The following HDLBP variants were observed in gnomAD, a reference collection of about 807,000 sequenced individuals.
The protein encoded by HDLBP is high density lipoprotein binding protein.
Under a neutral mutation model 137.3 loss-of-function variants are expected in HDLBP, and 30 were observed. The ratio of observed to expected loss-of-function variants is 0.22; its 90% CI spans 0.16 to 0.30. The LOEUF (loss-of-function observed/expected upper bound fraction) is 0.30. Ranked by LOEUF, HDLBP falls within the 10% of genes least tolerant of loss-of-function variation. HDLBP has a pLI of 1.00. For synonymous variants in HDLBP, 606 were observed against 596.0 expected, an observed-to-expected ratio of 1.02 and a Z score of -0.24; for missense variants, 1,119 against 1,667.3, an observed-to-expected ratio of 0.67 and a Z score of 5.73.
chr2:241,275,846 A>C (rs1179760080), intron 1 of HDLBP, among the ~76,000 whole-genome samples: 1 of 152,230 alleles, frequency 6.6e-6, no homozygotes, highest in East Asian at 1.9e-4. Flanking sequence ...AAGAATGAGA[A>C]TAGACATATT....
At chr2:241,270,046 C>T (rs115038622) in intron 1 of HDLBP, among the ~76,000 whole-genome samples, 2 of 152,210 alleles carry the variant, frequency 1.3e-5, no homozygotes, top group African/African-American at 4.8e-5. Flanking sequence ...TAGAAGTCTG[C>T]AAAATGCAGT....
rs778563300 is a variant in HDLBP at position 241,235,228 on chromosome 2, G to A, written c.3037C>T (p.Leu1013=). ...GTGATGGCGATGATGTCAGACTGCA[G>A]CTCAGGTGCCGGGACATGTATGTTC... The part of the protein sequence containing the change: ...EVNIHVPAPE[L]QSDIIAITGL... Residue 1013 remains leucine (L), a synonymous_variant, in exon 23 of 28, where the codon CTG becomes TTG. Coordinates refer to ENST00000310931, the MANE Select transcript of HDLBP (RefSeq NM_005336.6). The A allele has an allele frequency of 4.3e-6, 7 of 1,614,228 alleles. No homozygotes were observed. In the Admixed American group the frequency reaches 8.3e-5, roughly 19 times the overall value.
intron 1 of HDLBP, among the ~76,000 whole-genome samples, chr2:241,281,935 T>C (rs1331318536): frequency 2.0e-5 from 3 of 152,230 alleles, no homozygotes; most frequent in African/African-American, 7.2e-5. Flanking sequence ...AGCTAAACTA[T>C]AAACTGACAA....
intron 1 of HDLBP, among the ~76,000 whole-genome samples, chr2:241,300,778 C>A (rs910696927): frequency 1.3e-5 from 2 of 152,156 alleles, no homozygotes; most frequent in South Asian, 2.1e-4. Flanking sequence ...CCCTGTAACA[C>A]GCAGCCAGCA....
At chr2:241,303,848 A>T (rs1559557284) in intron 1 of HDLBP, among the ~76,000 whole-genome samples, 1 of 152,190 alleles carries the variant, frequency 6.6e-6, no homozygotes, top group Non-Finnish European at 1.5e-5. Context: ...TCACTCTGTG[A>T]CCCAGAATGG....
At position 241,266,911 on chromosome 2, in the gene HDLBP, A is replaced by G. The variant is rs1207314596; in HGVS notation, c.-37-5T>C. On this transcript the variant is annotated splice_region_variant and splice_polypyrimidine_tract_variant and intron_variant, in intron 2 of 27. Transcript: ENST00000310931. ...ACACACAATCCGGGAAAACCACTAA[A>G]GCAAAGAAGAATAAATCAGAAGTCA... 6.3e-7 allele frequency: 1 copy of G among 1,598,298 alleles called. No homozygotes were observed. The highest frequency in any genetic ancestry group is 1.7e-5 in the Admixed American group (1 of 59,998).
intron 1 of HDLBP, among the ~76,000 whole-genome samples, chr2:241,287,269 C>G (rs1385687833): frequency 6.6e-6 from 1 of 152,088 alleles, no homozygotes; most frequent in Admixed American, 6.5e-5. Context: ...CGCCACCACA[C>G]CTGGCTGATT....
intron 1 of HDLBP, among the ~76,000 whole-genome samples, chr2:241,297,385 T>A (rs1193475752): frequency 6.6e-6 from 1 of 152,192 alleles, no homozygotes; most frequent in Non-Finnish European, 1.5e-5. Flanking sequence ...GTTATCCACT[T>A]GGAAAGCGAG....
intron 1 of HDLBP, among the ~76,000 whole-genome samples, chr2:241,305,970 C>T (rs1333226196): frequency 6.6e-6 from 1 of 152,006 alleles, no homozygotes; most frequent in East Asian, 1.9e-4. Context: ...CCGTGTTAGC[C>T]AGGATGGTCT....
chr2:241,294,085 G>C (rs1016899971), intron 1 of HDLBP, among the ~76,000 whole-genome samples: 6 of 152,174 alleles, frequency 3.9e-5, no homozygotes, highest in Non-Finnish European at 7.3e-5. Context: ...TCTTTGCCTG[G>C]TTTTGAAATA....
Position 241,272,789 on chromosome 2 carries a change from G to A in HDLBP, c.-102-4248C>T, listed in dbSNP as rs2074208695. On this transcript the variant is annotated intron_variant, in intron 1 of 27. Coordinates refer to ENST00000310931, the MANE Select transcript of HDLBP (RefSeq NM_005336.6). The surrounding 1 kb of genome is among the most constrained non-coding windows in gnomAD (Gnocchi z 5.6). ...TGGGCCCCCGCCCGCTGGTCCTGCC[G>A]CTGGCTTACTCGCCCCCCGCGCGGG... 2.8e-5 allele frequency: 8 copies of A among 285,608 alleles called. No homozygotes were observed. In the South Asian group the frequency reaches 9.3e-4, roughly 33 times the overall value. The allele number at this position is 285,608 out of a possible 1,614,324, so 17.7% of individuals were successfully genotyped here.
rs138231685 is a variant in HDLBP at position 241,298,511 on chromosome 2, A to G, written c.-103+17059T>C. ...ACAATCAACCGAATTAACTGGGGAA[A>G]CCATGAGCCAATATTGACATAAATA... On this transcript the variant is annotated intron_variant, in intron 1 of 27. Coordinates refer to ENST00000310931, the MANE Select transcript of HDLBP (RefSeq NM_005336.6). Among the ~76,000 whole-genome samples, 57 of 152,364 alleles carry G rather than the reference A, an allele frequency of 3.7e-4. 1 individual carries two copies. In the East Asian group the frequency reaches 0.01, roughly 27 times the overall value.
At chr2:241,273,102 A>C (rs2074235573) in intron 1 of HDLBP, 1 of 985,386 alleles carries the variant, frequency 1.0e-6, no homozygotes, top group African/African-American at 1.7e-5. Context: ...CCAGAAAGGG[A>C]GCAGGAAGGA....
intron 21 of HDLBP, chr2:241,236,383 C>G (rs2070441047): frequency 3.6e-6 from 2 of 559,890 alleles, no homozygotes; most frequent in South Asian, 4.4e-5. Flanking sequence ...TCCCATGCAG[C>G]TGTCCCAGAA....
rs746718230 is a variant in HDLBP, at chr2:241,240,170, CCA to C, written c.2170-50_2170-49del. ...GTTAGCCTGACACCACGTGCCTGGA[CCA>C]CAGTGAGGAAGACAAGAGGGTCTGT... On this transcript the variant is annotated intron_variant, in intron 17 of 27. Transcript: ENST00000310931. The surrounding 1 kb of genome is among the most constrained non-coding windows in gnomAD (Gnocchi z 5.5). 11 of 1,569,882 alleles carry C rather than the reference CCA, an allele frequency of 7.0e-6. No individual in the cohort carries two copies. In the East Asian group the frequency reaches 2.0e-4, roughly 29 times the overall value.
intron 1 of HDLBP, 185 bp from the exon 2 acceptor site, chr2:241,268,726 A>G (rs1485415183): frequency 6.5e-6 from 1 of 153,818 alleles, no homozygotes; most frequent in Non-Finnish European, 1.4e-5. Context: ...GCTTGAAACA[A>G]AACATATTAA....
chr2:241,266,736 C>T, intron 3 of HDLBP, 58 bp downstream of exon 3: 1 of 1,141,832 alleles, frequency 8.8e-7, no homozygotes, highest in Non-Finnish European at 1.3e-6. Flanking sequence ...TTGGTAAAGG[C>T]TTTAGAGGGA....
intron 1 of HDLBP, among the ~76,000 whole-genome samples, chr2:241,311,560 T>C (rs1020296626): frequency 3.3e-5 from 5 of 152,208 alleles, no homozygotes. Flanking sequence ...GATAAAATGA[T>C]AGGAATACTA....
Position 241,248,117 on chromosome 2 carries a change from C to G in HDLBP, c.1618-1G>C. ...CTGGGTCTGGAAAGTTAATGATGACCTAGAACAAATCATGGGGAGACTAAG... is the reference window on the plus strand; with the variant it reads ...CTGGGTCTGGAAAGTTAATGATGACGTAGAACAAATCATGGGGAGACTAAG... On this transcript the variant is annotated splice_acceptor_variant, in intron 13 of 27. Transcript: ENST00000310931. LOFTEE classifies it high-confidence loss of function. The G allele has an allele frequency of 6.2e-7, 1 of 1,611,244 alleles. No individual in the cohort carries two copies. Among genetic ancestry groups the G allele is most frequent in the Non-Finnish European group, 8.5e-7 (1 of 1,177,372 alleles).
Sources: allele counts gnomAD v4.1 joint callset (sites outside exome capture counted in the v4.1 genomes callset), GRCh38; gene constraint gnomAD v4.1.1; non-coding constraint Gnocchi (gnomAD v3.1); transcripts MANE v1.5; gene names NCBI Gene and HGNC (gene_info 2026-07-23, HGNC 2026-07-21).